Variants in GRAMD1B observed in about 807,000 individuals in gnomAD.
GRAMD1B encodes the protein GRAM domain containing 1B, also known as protein Aster-B.
Under a neutral mutation model 99.7 loss-of-function variants are expected in GRAMD1B, and 37 were observed. That is an observed-to-expected ratio of 0.37 (90% confidence interval 0.29 to 0.49). The LOEUF is 0.49. Among genes scored for constraint, GRAMD1B ranks in the 20% least tolerant of loss-of-function variants. The pLI, the probability that GRAMD1B is intolerant of heterozygous loss-of-function variation, is 0.98. For missense variants in GRAMD1B, 888 were observed against 1,009.2 expected (o/e 0.88, Z 1.63); for synonymous variants, 427 against 387.6 (o/e 1.10, Z -1.19).
chr11:123,541,624 C>A (rs1055876284), intron 2 of GRAMD1B, among the ~76,000 whole-genome samples: 6 of 149,716 alleles, frequency 4.0e-5, no homozygotes, highest in Non-Finnish European at 7.4e-5. Context: ...AAGATATTAA[C>A]CTTTGGTAAT....
At chr11:123,618,198 C>T in intron 17 of GRAMD1B, 2 of 715,560 alleles carry the variant, frequency 2.8e-6, no homozygotes, top group Non-Finnish European at 5.1e-6. Context: ...TGGGTCGTCT[C>T]ATCCATTGTG....
At chr11:123,479,129 G>A (rs1012850) in intron 1 of GRAMD1B, among the ~76,000 whole-genome samples, 119,628 of 152,200 alleles carry the variant, frequency 0.79, 47,686 homozygotes, top group African/African-American at 0.93. Context: ...TGGAAGGGAA[G>A]GAGAAAGGGA....
chr11:123,389,318 A>T (rs1353570080), intron 1 of GRAMD1B, among the ~76,000 whole-genome samples: 1 of 151,522 alleles, frequency 6.6e-6, no homozygotes, highest in Admixed American at 6.6e-5. Flanking sequence ...TGGTAGGCAG[A>T]GCTTGCAGTG....
chr11:123,496,957 G>A (rs576733560), intron 2 of GRAMD1B, among the ~76,000 whole-genome samples: 2 of 152,186 alleles, frequency 1.3e-5, no homozygotes, highest in East Asian at 1.9e-4. Context: ...GGTCCTTGGT[G>A]CCTTATTTAG....
intron 1 of GRAMD1B, among the ~76,000 whole-genome samples, chr11:123,453,848 A>G (rs574208818): frequency 3.9e-5 from 6 of 152,318 alleles, no homozygotes; most frequent in African/African-American, 9.6e-5. Flanking sequence ...GGGCTGAGCA[A>G]TGGAGCATCT....
At chr11:123,493,309 G>A (rs1034431213) in intron 2 of GRAMD1B, among the ~76,000 whole-genome samples, 12 of 152,154 alleles carry the variant, frequency 7.9e-5, no homozygotes, top group Non-Finnish European at 1.8e-4. Context: ...AATAAGAAAG[G>A]CACTTAGCAC....
At chr11:123,490,442 G>A (rs776547782) in intron 2 of GRAMD1B, among the ~76,000 whole-genome samples, 1 of 152,146 alleles carries the variant, frequency 6.6e-6, no homozygotes, top group African/African-American at 2.4e-5. Flanking sequence ...TCTTTGAGAC[G>A]GGAGATGACA....
chr11:123,469,771 CTTT>C (rs757643874), intron 1 of GRAMD1B, among the ~76,000 whole-genome samples: 11 of 99,892 alleles, frequency 1.1e-4, no homozygotes, highest in Admixed American at 3.1e-4. Context: ...CTTTCTTTCT[CTTT>C]CTTTCCTTCC....
rs139281483 is a variant in GRAMD1B at position 123,608,510 on chromosome 11, G to A, written c.1514-149G>A. 8,772 of 1,538,496 alleles carry A rather than the reference G, an allele frequency of 5.7e-3. 46 individuals are homozygous for A. Among genetic ancestry groups the A allele is most frequent in the Admixed American group, 8.0e-3 (407 of 50,952 alleles). ...AAGCAAAGTCATAAACCATGCCCAC[G>A]AGCTCAGCTGTCCTGCTCCGTGTCC... is the stretch of plus-strand genomic sequence containing the variant. On this transcript the variant is annotated intron_variant, in intron 11 of 19. Coordinates refer to ENST00000635736, the MANE Select transcript of GRAMD1B (RefSeq NM_001387025.1).
chr11:123,389,260 T>A (rs1421937752), intron 1 of GRAMD1B, among the ~76,000 whole-genome samples: 2 of 151,870 alleles, frequency 1.3e-5, no homozygotes, highest in African/African-American at 2.4e-5. Flanking sequence ...GGTGGGCACC[T>A]GTAGTCCCAG....
At chr11:123,582,990 G>C (rs1949550196) in intron 3 of GRAMD1B, among the ~76,000 whole-genome samples, 1 of 152,248 alleles carries the variant, frequency 6.6e-6, no homozygotes, top group Admixed American at 6.5e-5. Context: ...TTAGGCATGT[G>C]TGTGTGTGCA....
intron 2 of GRAMD1B, among the ~76,000 whole-genome samples, chr11:123,528,313 A>G (rs772888574): frequency 2.0e-5 from 3 of 152,202 alleles, no homozygotes; most frequent in Non-Finnish European, 4.4e-5. Context: ...ATGGAAGAGA[A>G]TGAATTTAAT....
chr11:123,500,610 G>A (rs2714076), intron 2 of GRAMD1B, among the ~76,000 whole-genome samples: 96,355 of 151,972 alleles, frequency 0.63, 31,108 homozygotes, highest in Middle Eastern at 0.71. Context: ...TTGTGGAGGA[G>A]CAATGTTTAT....
In GRAMD1B at chr11:123,620,221, C is replaced by T. The variant is rs987060194; in HGVS notation, c.2544+997C>T. On this transcript the variant is annotated intron_variant, in intron 19 of 19. Transcript: ENST00000635736. ...GGGTGTGGTGGGTCACGCCTATAAT[C>T]CCAGCACTTTGAGAGGCTGAAGAGG... 3.9e-5 allele frequency among the ~76,000 whole-genome samples: 6 copies of T among 152,138 alleles called. No homozygotes were observed. In the South Asian group the frequency reaches 1.2e-3, roughly 32 times the overall value.
At chr11:123,374,269 G>C (rs528251765) in intron 1 of GRAMD1B, among the ~76,000 whole-genome samples, 5 of 152,262 alleles carry the variant, frequency 3.3e-5, no homozygotes, top group Admixed American at 1.3e-4. Context: ...ACTGAGCCTA[G>C]TATTATGAGG....
intron 1 of GRAMD1B, among the ~76,000 whole-genome samples, chr11:123,370,965 G>T (rs1202564587): frequency 1.3e-5 from 2 of 152,064 alleles, no homozygotes; most frequent in Non-Finnish European, 2.9e-5. Context: ...GGAGAGTAAA[G>T]CTAGAAGGTG....
intron 1 of GRAMD1B, among the ~76,000 whole-genome samples, chr11:123,392,169 A>G (rs1413641072): frequency 6.6e-6 from 1 of 152,112 alleles, no homozygotes; most frequent in Admixed American, 6.5e-5. Context: ...CCAGAAGCCC[A>G]TGTGACTGGG....
At chr11:123,564,020 G>A (rs1947086534) in intron 2 of GRAMD1B, among the ~76,000 whole-genome samples, 1 of 152,206 alleles carries the variant, frequency 6.6e-6, no homozygotes. Flanking sequence ...AACCAGGTTT[G>A]AATCCCAGCG....
At chr11:123,472,039 A>G (rs1951039998) in intron 1 of GRAMD1B, among the ~76,000 whole-genome samples, 1 of 152,104 alleles carries the variant, frequency 6.6e-6, no homozygotes, top group South Asian at 2.1e-4. Flanking sequence ...AGGCCAATCC[A>G]GGTGGATCAT....
Sources: gnomAD v4.1 joint callset for allele counts (sites outside exome capture counted in the v4.1 genomes callset) on GRCh38, gnomAD v4.1.1 for gene constraint, MANE v1.5 for transcripts, NCBI Gene and HGNC (gene_info 2026-07-23, HGNC 2026-07-21) for gene names.